PTPN13: variants seen among roughly 807,000 people sequenced by gnomAD.
PTPN13 encodes tyrosine-protein phosphatase non-receptor type 13.
A neutral mutation model predicts 284.0 loss-of-function variants in PTPN13; 191 were observed. The observed-to-expected ratio is 0.67, with a 90% CI of 0.60 to 0.76. PTPN13 has a LOEUF of 0.76. PTPN13 is among the 30% of genes least tolerant of loss of function. The pLI, the probability that PTPN13 is intolerant of heterozygous loss-of-function variation, is 0.00. For missense variants in PTPN13, 2,797 were observed against 2,939.9 expected (o/e 0.95, Z 1.12); for synonymous variants, 986 against 1,022.3 (o/e 0.96, Z 0.68).
intron 30 of PTPN13, among the ~76,000 whole-genome samples, chr4:86,770,462 GTTA>G (rs1430963017): frequency 6.6e-6 from 1 of 152,124 alleles, no homozygotes; most frequent in Non-Finnish European, 1.5e-5. Flanking sequence ...ACTGATACTA[GTTA>G]TTATGTTGAG....
Position 86,803,814 on chromosome 4 carries a change from T to TGC in PTPN13, c.6613_6614dup (p.Leu2207ValfsTer3). On this transcript the variant is annotated frameshift_variant, in exon 43 of 48. Transcript: ENST00000411767. LOFTEE classifies it high-confidence loss of function. ...AACTTAAAATCAGTCATTCGAGTCC[T>TGC]GCGGGGTTTGCTAGATCAAGGAATT... 6.2e-7 allele frequency: 1 copy of TGC among 1,613,846 alleles called. No individual in the cohort carries two copies. The highest frequency in any genetic ancestry group is 8.5e-7 in the Non-Finnish European group (1 of 1,179,802).
At chr4:86,657,976 C>T (rs548263688) in intron 2 of PTPN13, among the ~76,000 whole-genome samples, 4 of 152,274 alleles carry the variant, frequency 2.6e-5, no homozygotes, top group African/African-American at 9.6e-5. Flanking sequence ...GGTTGCATTC[C>T]AAGTCCACTG....
chr4:86,671,900 A>G (rs983808299), intron 2 of PTPN13, among the ~76,000 whole-genome samples: 3 of 152,174 alleles, frequency 2.0e-5, no homozygotes, highest in Non-Finnish European at 4.4e-5. Flanking sequence ...TTATAAGTAG[A>G]TCCATAAAAC....
chr4:86,706,730 G>T (rs75566866), intron 7 of PTPN13, among the ~76,000 whole-genome samples: 7,523 of 152,252 alleles, frequency 0.049, 255 homozygotes, highest in African/African-American at 0.071. Flanking sequence ...ATTATAAATA[G>T]AAGATTATTA....
intron 2 of PTPN13, among the ~76,000 whole-genome samples, chr4:86,651,782 T>G (rs143173159): frequency 6.2e-4 from 95 of 152,366 alleles, no homozygotes; most frequent in African/African-American, 2.2e-3. Context: ...TTTCTCCTAA[T>G]AGTCTCTAAT....
intron 1 of PTPN13, among the ~76,000 whole-genome samples, chr4:86,617,215 G>A (rs1447615864): frequency 6.6e-6 from 1 of 151,962 alleles, no homozygotes; most frequent in Admixed American, 6.6e-5. Flanking sequence ...GTTCCCTGTG[G>A]CCATTTAAAT....
At chr4:86,699,807 A>G (rs894650117) in intron 6 of PTPN13, among the ~76,000 whole-genome samples, 1 of 152,142 alleles carries the variant, frequency 6.6e-6, no homozygotes, top group African/African-American at 2.4e-5. Context: ...TCTGTTCTCT[A>G]TTCAATAAAA....
At chr4:86,738,591 C>A (rs932459317) in intron 15 of PTPN13, among the ~76,000 whole-genome samples, 2 of 152,112 alleles carry the variant, frequency 1.3e-5, no homozygotes, top group African/African-American at 4.8e-5. Context: ...AGTACATGTT[C>A]TTTAAATATT....
chr4:86,767,118 C>T (rs6822959), intron 27 of PTPN13, among the ~76,000 whole-genome samples: 1 of 151,616 alleles, frequency 6.6e-6, no homozygotes, highest in Non-Finnish European at 1.5e-5. Flanking sequence ...AGATTGGGGG[C>T]GGGGGGTCTC....
chr4:86,734,540 T>C, intron 13 of PTPN13, 84 bp downstream of exon 13: 1 of 1,323,710 alleles, frequency 7.6e-7, no homozygotes, highest in Non-Finnish European at 1.0e-6. Flanking sequence ...ATTACTTGAT[T>C]CCAATCAATG....
chr4:86,622,329 A>G (rs1721341788), intron 1 of PTPN13, among the ~76,000 whole-genome samples: 1 of 152,350 alleles, frequency 6.6e-6, no homozygotes, highest in Admixed American at 6.5e-5. Flanking sequence ...TTAAAAACAT[A>G]CTGTAGTTTT....
chr4:86,682,348 A>T (rs1728989058), intron 3 of PTPN13, among the ~76,000 whole-genome samples: 1 of 152,208 alleles, frequency 6.6e-6, no homozygotes, highest in Admixed American at 6.5e-5. Context: ...GTACGGATGG[A>T]CCAACAAAGG....
rs1184363788 is a variant in PTPN13, at chr4:86,686,737, C to T, written c.322C>T (p.Leu108=). 3 of 1,578,840 alleles carry T rather than the reference C, an allele frequency of 1.9e-6. No homozygotes were observed. The highest frequency in any genetic ancestry group is 1.8e-5 in the Admixed American group (1 of 55,994). The part of the protein sequence containing the change: ...KIHIYSLGMT[L]YWGADYEVPQ... Reference sequence around the variant, plus strand: ...CCACATTTATTCTCTTGGAATGACACTGTATTGGGGGGCTGATTATGAAGT... The same window carrying T: ...CCACATTTATTCTCTTGGAATGACATTGTATTGGGGGGCTGATTATGAAGT... The change falls in exon 4 of 48, where the codon CTG becomes TTG. Residue 108 remains leucine (L), a synonymous_variant. Transcript: ENST00000411767.
chr4:86,655,562 T>A (rs1302071712), intron 2 of PTPN13, among the ~76,000 whole-genome samples: 4 of 152,222 alleles, frequency 2.6e-5, no homozygotes, highest in Admixed American at 1.3e-4. Flanking sequence ...GAATGTTGAA[T>A]ATTGGCCCCC....
chr4:86,771,136 A>G (rs1419755488), intron 30 of PTPN13, 35 bp from the exon 31 acceptor site: 1 of 1,521,418 alleles, frequency 6.6e-7, no homozygotes, highest in African/African-American at 1.4e-5. Flanking sequence ...AATTCATAGA[A>G]TGGTCACAAA....
chr4:86,704,708 C>T (rs111648612), intron 7 of PTPN13, among the ~76,000 whole-genome samples: 7,522 of 152,106 alleles, frequency 0.049, 258 homozygotes, highest in African/African-American at 0.071. Flanking sequence ...TTCAATTGTT[C>T]GATATAGGAC....
chr4:86,740,650 AC>A (rs1736076332), intron 15 of PTPN13, among the ~76,000 whole-genome samples: 1 of 152,160 alleles, frequency 6.6e-6, no homozygotes, highest in Admixed American at 6.5e-5. Flanking sequence ...GCTCCTTGTT[AC>A]TTATGTAAAT....
chr4:86,763,856 C>A (rs1303828800), intron 24 of PTPN13, among the ~76,000 whole-genome samples: 1 of 151,990 alleles, frequency 6.6e-6, no homozygotes, highest in African/African-American at 2.4e-5. Flanking sequence ...GCGATCGAGC[C>A]AGACCCTAAC....
intron 2 of PTPN13, 59 bp downstream of exon 2, chr4:86,635,430 A>T (rs1722903707): frequency 2.6e-6 from 4 of 1,544,994 alleles, no homozygotes; most frequent in Non-Finnish European, 3.5e-6. Flanking sequence ...TACTTAAAAA[A>T]CAGATACAGG....
Sources: allele counts gnomAD v4.1 joint callset (sites outside exome capture counted in the v4.1 genomes callset), GRCh38; gene constraint gnomAD v4.1.1; transcripts MANE v1.5; gene names NCBI Gene and HGNC (gene_info 2026-07-23, HGNC 2026-07-21).